TRPM4: variants seen among roughly 807,000 people sequenced by gnomAD.
TRPM4 encodes transient receptor potential cation channel subfamily M member 4, also known as calcium-activated non-selective cation channel 1.
TRPM4 carries 124 observed loss-of-function variants against 135.6 expected under a neutral mutation model. The ratio of observed to expected loss-of-function variants is 0.91; its 90% CI spans 0.79 to 1.06. The LOEUF (loss-of-function observed/expected upper bound fraction) is 1.06. Ranked by LOEUF, TRPM4 falls within the 50% of genes least tolerant of loss-of-function variation. TRPM4 has a pLI of 0.00. For synonymous variants in TRPM4, 745 were observed against 705.6 expected (o/e 1.06, Z -0.88); for missense variants, 1,658 against 1,671.4 (o/e 0.99, Z 0.14).
rs1191927360 is a variant in TRPM4 at position 49,196,616 on chromosome 19, T to C, written c.2387T>C (p.Leu796Pro). The C allele has an allele frequency of 1.3e-6, 2 of 1,554,190 alleles. No homozygotes were observed. Among genetic ancestry groups the C allele is most frequent in the Admixed American group, 1.9e-5 (1 of 51,980 alleles). The change falls in exon 17 of 25, where the codon CTT (leucine) becomes CCT (proline). Residue 796 changes from leucine (L) to proline (P), a missense_variant. Coordinates refer to ENST00000252826, the MANE Select transcript of TRPM4 (RefSeq NM_017636.4). The stretch of plus-strand genomic sequence containing the variant: ...GTCAGCTACCTGCTGTTCCTGCTGC[T>C]TTTCTCGCGGGTGCTGCTCGTGGAT... ...NVVSYLLFLL[L>P]FSRVLLVDFQ...
chr19:49,158,862 G>C (rs1470307222), intron 2 of TRPM4: 1 of 152,236 alleles, frequency 6.6e-6, no homozygotes, highest in African/African-American at 2.4e-5. Flanking sequence ...AGCACAGGAC[G>C]CTGGGAAATA....
Position 49,190,699 on chromosome 19 carries a change from A to G in TRPM4, c.2136A>G (p.Lys712=), listed in dbSNP as rs368500945. The part of the protein sequence containing the change: ...LIYTRLITFR[K]SEEEPTREEL... ...TCTGTGCTTCCCCCCTTGCTAGGAA[A>G]TCAGAAGAGGAGCCCACACGGGAGG... Residue 712 remains lysine, a synonymous_variant, in exon 16 of 25, where the codon AAA becomes AAG. Transcript: ENST00000252826. 1.9e-6 allele frequency: 3 copies of G among 1,613,996 alleles called. No homozygotes were observed. The African/African-American group carries it at 4.0e-5, about 22-fold the overall frequency.
intron 16 of TRPM4, 133 bp downstream of exon 16, chr19:49,190,906 A>G: frequency 1.4e-6 from 1 of 702,194 alleles, no homozygotes; most frequent in East Asian, 2.7e-5. Context: ...GTAATTTATA[A>G]AGAAAAGAGG....
At chr19:49,158,506 C>T (rs1238916895) in intron 2 of TRPM4, 3 of 551,678 alleles carry the variant, frequency 5.4e-6, no homozygotes, top group Non-Finnish European at 9.7e-6. Flanking sequence ...CTTCTTTCCT[C>T]CCCGATGTCT....
chr19:49,187,959 A>G (rs1968260403), intron 12 of TRPM4, among the ~76,000 whole-genome samples: 1 of 152,276 alleles, frequency 6.6e-6, no homozygotes, highest in South Asian at 2.1e-4. Context: ...AGGGTCTGCA[A>G]ACTATCTCAA....
Position 49,210,679 on chromosome 19 carries a change from C to T in TRPM4, c.3329-31C>T. 1 of 1,613,846 alleles carries T rather than the reference C, an allele frequency of 6.2e-7. No homozygotes were observed. The highest frequency in any genetic ancestry group is 8.5e-7 in the Non-Finnish European group (1 of 1,180,006). ...AGCTGGGATTGGGAAGGGGCGTGGC[C>T]TGAGCCCTTTGACTCCGCCCGCCCC... On this transcript the variant is annotated intron_variant, in intron 21 of 24. Coordinates refer to ENST00000252826, the MANE Select transcript of TRPM4 (RefSeq NM_017636.4). This position sits in a 1 kb window ranked among gnomAD's most constrained non-coding sequence, Gnocchi z 4.1.
intron 6 of TRPM4, among the ~76,000 whole-genome samples, chr19:49,169,903 C>T (rs1005306157): frequency 5.9e-5 from 9 of 152,122 alleles, no homozygotes; most frequent in African/African-American, 2.2e-4. Flanking sequence ...AGATACATTA[C>T]TAGGTTTGAG....
intron 20 of TRPM4, 37 bp downstream of exon 20, chr19:49,202,178 G>A: frequency 1.2e-6 from 2 of 1,611,008 alleles, no homozygotes; most frequent in Non-Finnish European, 1.7e-6. Flanking sequence ...ACCCCACCCA[G>A]CATGACCCGT....
intron 1 of TRPM4, 79 bp from the exon 2 acceptor site, chr19:49,158,113 G>T: frequency 7.0e-7 from 1 of 1,434,864 alleles, no homozygotes; most frequent in Non-Finnish European, 9.8e-7. Flanking sequence ...CGCACGGGGT[G>T]GGTGGCTCTG....
Position 49,210,496 on chromosome 19 carries a change from G to A in TRPM4, c.3328+91G>A, listed in dbSNP as rs1969314464. On this transcript the variant is annotated intron_variant, in intron 21 of 24. Transcript: ENST00000252826. The surrounding 1 kb of genome is among the most constrained non-coding windows in gnomAD (Gnocchi z 4.1). ...AGGGGGCATGCCCCAAATGACTAAC[G>A]GGCGTGGCTTAGGTAGCGAGGGGCG... is the stretch of plus-strand genomic sequence containing the variant. The A allele has an allele frequency of 2.0e-6, 3 of 1,516,948 alleles. No individual in the cohort carries two copies. The highest frequency in any genetic ancestry group is 1.4e-5 in the African/African-American group (1 of 73,002). 94.0% of individuals were successfully genotyped at this position (1,516,948 alleles called of 1,614,324 possible).
intron 10 of TRPM4, among the ~76,000 whole-genome samples, 162 bp downstream of exon 10, chr19:49,181,623 C>G (rs1266511406): frequency 6.6e-6 from 1 of 151,232 alleles, no homozygotes; most frequent in Non-Finnish European, 1.5e-5. Context: ...GCTCCGCCAC[C>G]TGGGTTCACG....
At chr19:49,206,220 A>T (rs1391467730) in intron 20 of TRPM4, among the ~76,000 whole-genome samples, 1 of 151,984 alleles carries the variant, frequency 6.6e-6, no homozygotes, top group East Asian at 1.9e-4. Flanking sequence ...CGGCTTTCCA[A>T]GGTGCTGGGA....
At chr19:49,165,202 G>C (rs1376453144) in intron 2 of TRPM4, among the ~76,000 whole-genome samples, 1 of 152,126 alleles carries the variant, frequency 6.6e-6, no homozygotes, top group Non-Finnish European at 1.5e-5. Flanking sequence ...TTGGCACAGA[G>C]AGGAAGAAAC....
chr19:49,166,302 A>G lies in TRPM4; in HGVS notation c.267+87A>G. ...AGTGGAGCCGGGACGCCCGCCCTGA[A>G]CCCTGGCCCCTCCGCCCATCCCTGT... On this transcript the variant is annotated intron_variant, in intron 3 of 24. Transcript: ENST00000252826. 2.9e-6 allele frequency: 4 copies of G among 1,389,140 alleles called. No individual in the cohort carries two copies. In the South Asian group the frequency reaches 5.6e-5, roughly 19 times the overall value. 86.1% of individuals were successfully genotyped at this position (1,389,140 alleles called of 1,614,324 possible).
chr19:49,198,667 AAGG>A (rs1309120793), intron 17 of TRPM4, among the ~76,000 whole-genome samples: 3 of 150,318 alleles, frequency 2.0e-5, no homozygotes, highest in African/African-American at 4.9e-5. Flanking sequence ...AAAAAAAAAA[AAGG>A]GAGAAATGTC....
intron 17 of TRPM4, among the ~76,000 whole-genome samples, chr19:49,197,366 C>CTT (rs1321378967): frequency 6.8e-5 from 7 of 102,846 alleles, no homozygotes; most frequent in African/African-American, 2.0e-4. Flanking sequence ...CTTTCTTTCT[C>CTT]TCTCTTTCTT....
At chr19:49,181,690 C>T (rs1056340460) in intron 10 of TRPM4, among the ~76,000 whole-genome samples, 1 of 151,922 alleles carries the variant, frequency 6.6e-6, no homozygotes, top group Non-Finnish European at 1.5e-5. Context: ...CGCCACCACA[C>T]CCAGCTAATT....
chr19:49,187,906 G>A (rs563904510), intron 12 of TRPM4, among the ~76,000 whole-genome samples: 1 of 152,232 alleles, frequency 6.6e-6, no homozygotes, highest in South Asian at 2.1e-4. Flanking sequence ...AACTGGTTGA[G>A]CCAGACTACA....
In TRPM4 at chr19:49,183,081, T is replaced by C. The variant is rs528643605; in HGVS notation, c.1612T>C (p.Tyr538His). Residue 538 changes from tyrosine (Y) to histidine (H), a missense_variant, in exon 12 of 25, where the codon TAT becomes CAT. Coordinates refer to ENST00000252826, the MANE Select transcript of TRPM4 (RefSeq NM_017636.4). ...HPGQGFGESMYLLSDKATSPL... is the reference protein window; with the variant it reads ...HPGQGFGESMHLLSDKATSPL... ...CCACCCCTCCTTTTGCTGGCAGATG[T>C]ATCTGCTCTCGGACAAGGCCACCTC... 5.6e-6 allele frequency: 9 copies of C among 1,612,152 alleles called. No individual in the cohort carries two copies. The African/African-American group carries it at 1.2e-4, about 21-fold the overall frequency.
Sources: allele counts gnomAD v4.1 joint callset (sites outside exome capture counted in the v4.1 genomes callset), GRCh38; gene constraint gnomAD v4.1.1; non-coding constraint Gnocchi (gnomAD v3.1); transcripts MANE v1.5; gene names NCBI Gene and HGNC (gene_info 2026-07-23, HGNC 2026-07-21).